The following EXOC1 variants were observed in gnomAD, a reference collection of about 807,000 sequenced individuals.
EXOC1 encodes SEC3-like 1.
Under a neutral mutation model 107.7 loss-of-function variants are expected in EXOC1, and 67 were observed. That is an observed-to-expected ratio of 0.62 (90% confidence interval 0.51 to 0.76). The LOEUF (loss-of-function observed/expected upper bound fraction) is 0.76. Among genes scored for constraint, EXOC1 ranks in the 30% least tolerant of loss-of-function variants. The probability of loss-of-function intolerance (pLI) is 0.00; values close to 1 mark genes in which losing one functional copy is unlikely to be tolerated. For missense variants in EXOC1, 833 were observed against 1,055.7 expected (o/e 0.79, Z 2.92); for synonymous variants, 348 against 353.5 (o/e 0.98, Z 0.17).
At chr4:55,890,190 G>A in intron 11 of EXOC1, 33 bp from the exon 12 acceptor site, 1 of 1,603,648 alleles carries the variant, frequency 6.2e-7, no homozygotes, top group Non-Finnish European at 8.5e-7. Flanking sequence ...TATTTGTGAA[G>A]ATCACAACTT....
chr4:55,896,377 C>T (rs1460364864), intron 15 of EXOC1, among the ~76,000 whole-genome samples: 1 of 152,158 alleles, frequency 6.6e-6, no homozygotes, highest in Non-Finnish European at 1.5e-5. Context: ...CTCTTGGCCT[C>T]AAGCGATCCA....
At position 55,902,368 on chromosome 4, in the gene EXOC1, C is replaced by A; in HGVS notation, c.2362C>A (p.Arg788Ser). ...GCATTTCTTTGAAGGTGTTGAAGCT[C>A]GCGTGGCACAGGGCATAAGGGAGGA... ...LNHFFEGVEA[R>S]VAQGIREEEV... Residue 788 changes from arginine to serine, a missense_variant, in exon 18 of 19, where the codon CGC becomes AGC. This residue lies in a region of EXOC1 where 216 missense variants were observed against 354.4 expected (regional missense o/e 0.61). Coordinates refer to ENST00000381295, the MANE Select transcript of EXOC1 (RefSeq NM_001024924.2). 6.7e-7 allele frequency: 1 copy of A among 1,491,428 alleles called. No homozygotes were observed. The highest frequency in any genetic ancestry group is 8.9e-7 in the Non-Finnish European group (1 of 1,124,258). The allele number at this position is 1,491,428 out of a possible 1,614,324, so 92.4% of individuals were successfully genotyped here. A position where few individuals can be genotyped will look rare whatever the true frequency, so the allele number is the denominator to read the frequency against.
chr4:55,872,701 T>A, intron 8 of EXOC1: 1 of 675,286 alleles, frequency 1.5e-6, no homozygotes, highest in Non-Finnish European at 1.8e-6. Context: ...TACTTTATTT[T>A]CACTTTGCAA....
chr4:55,882,833 G>A (rs1723533859), intron 9 of EXOC1: 1 of 152,040 alleles, frequency 6.6e-6, no homozygotes. Flanking sequence ...ATAGGAAATT[G>A]AAGCTTAGAT....
At position 55,896,825 on chromosome 4, in the gene EXOC1, A is replaced by G. The variant is rs1409993964; in HGVS notation, c.2062A>G (p.Ile688Val). ...AGAATTTGCTGGACTTGCAGAATCA[A>G]TCTTCAAAAATGCTGAGCGTCGTGG... ...FEEFAGLAES[I>V]FKNAERRGDL... The change falls in exon 16 of 19, where the codon ATC becomes GTC. Residue 688 changes from isoleucine (I) to valine (V), a missense_variant. By Grantham distance (29) the Ile-to-Val change is conservative. Transcript: ENST00000381295. 5.0e-6 allele frequency: 8 copies of G among 1,612,176 alleles called. No homozygotes were observed. Among genetic ancestry groups the G allele is most frequent in the Admixed American group, 1.7e-5 (1 of 59,630 alleles).
At chr4:55,857,963 C>A (rs1460193368) in intron 1 of EXOC1, among the ~76,000 whole-genome samples, 1 of 152,032 alleles carries the variant, frequency 6.6e-6, no homozygotes, top group Non-Finnish European at 1.5e-5. Flanking sequence ...CTGTTCAGGT[C>A]TTTTATTCAG....
intron 1 of EXOC1, among the ~76,000 whole-genome samples, chr4:55,857,725 A>G (rs1008639987): frequency 5.9e-5 from 9 of 152,248 alleles, no homozygotes; most frequent in African/African-American, 2.2e-4. Flanking sequence ...TGGCTGCACC[A>G]TTTTACAATC....
At position 55,890,238 on chromosome 4, in the gene EXOC1, C is replaced by G; in HGVS notation, c.1391C>G (p.Ser464Trp). The G allele has an allele frequency of 1.9e-6, 3 of 1,613,732 alleles. No homozygotes were observed. The highest frequency in any genetic ancestry group is 2.5e-6 in the Non-Finnish European group (3 of 1,179,844). The stretch of plus-strand genomic sequence containing the variant: ...TATTTCTTAGGTCTTCATGGAAGTT[C>G]GGGGAAATTAACTGGATCTACTTCT... ...KQETESLHGS[S>W]GKLTGSTSSL... The change falls in exon 12 of 19, where the codon TCG (serine) becomes TGG (tryptophan). Residue 464 changes from serine to tryptophan, a missense_variant. Transcript: ENST00000381295.
At chr4:55,858,857 C>G (rs932582495) in intron 2 of EXOC1, among the ~76,000 whole-genome samples, 3 of 151,942 alleles carry the variant, frequency 2.0e-5, no homozygotes, top group Middle Eastern at 3.4e-3. Context: ...AGTGGCTTGT[C>G]TTTTCACTTT....
chr4:55,894,614 C>CTTTTTTTTTTTTTTTTTTTTTT (rs772700227), intron 15 of EXOC1, among the ~76,000 whole-genome samples: 1 of 76,116 alleles, frequency 1.3e-5, no homozygotes, highest in Non-Finnish European at 2.3e-5. Flanking sequence ...CTATCTGTTA[C>CTTTTTTTTTTTTTTTTTTTTTT]TTTTTTTTTT....
intron 8 of EXOC1, among the ~76,000 whole-genome samples, chr4:55,873,650 A>G (rs754354131): frequency 6.6e-6 from 1 of 152,228 alleles, no homozygotes; most frequent in Non-Finnish European, 1.5e-5. Flanking sequence ...GTGTTATTAC[A>G]TGTGAGTGAT....
At position 55,890,275 on chromosome 4, in the gene EXOC1, G is replaced by A; in HGVS notation, c.1428G>A (p.Lys476=). 3 of 1,613,960 alleles carry A rather than the reference G, an allele frequency of 1.9e-6. No individual in the cohort carries two copies. Among genetic ancestry groups the A allele is most frequent in the African/African-American group, 2.7e-5 (2 of 75,010 alleles). The change falls in exon 12 of 19, where the codon AAG becomes AAA. Residue 476 remains lysine (K), a synonymous_variant. Transcript: ENST00000381295. ...CTGGATCTACTTCTAGTCTAAATAA[G>A]CTCAGTGTTCAGAGTTCAGGGAATC... ...KLTGSTSSLN[K]LSVQSSGNRR...
chr4:55,879,199 G>A (rs184236404), intron 9 of EXOC1, among the ~76,000 whole-genome samples: 2 of 152,290 alleles, frequency 1.3e-5, no homozygotes, highest in African/African-American at 4.8e-5. Flanking sequence ...GAAGGAAACA[G>A]GCAAATACTT....
chr4:55,877,769 G>T, intron 8 of EXOC1, 148 bp from the exon 9 acceptor site: 1 of 1,439,070 alleles, frequency 6.9e-7, no homozygotes, highest in South Asian at 1.5e-5. Context: ...TAAGTATTTG[G>T]TTTTTATTTT....
rs1295675103 is a variant in EXOC1, at chr4:55,902,376, A to T, written c.2370A>T (p.Ala790=). 1 of 1,523,596 alleles carries T rather than the reference A, an allele frequency of 6.6e-7. No individual in the cohort carries two copies. The highest frequency in any genetic ancestry group is 1.3e-5 in the South Asian group (1 of 75,208). 94.4% of individuals were successfully genotyped at this position (1,523,596 alleles called of 1,614,324 possible). A position where few individuals can be genotyped will look rare whatever the true frequency, so the allele number is the denominator to read the frequency against. Residue 790 remains alanine, a synonymous_variant, in exon 18 of 19, where the codon GCA becomes GCT. Transcript: ENST00000381295. ...TTGAAGGTGTTGAAGCTCGCGTGGC[A>T]CAGGGCATAAGGGAGGAGGAAGTAA... The part of the protein sequence containing the change: ...HFFEGVEARV[A]QGIREEEVSY...
chr4:55,883,711 A>G, intron 9 of EXOC1, 112 bp from the exon 10 acceptor site: 1 of 587,256 alleles, frequency 1.7e-6, no homozygotes, highest in Non-Finnish European at 2.8e-6. Context: ...GAAATACATC[A>G]AAGTTTTGGA....
intron 8 of EXOC1, chr4:55,876,186 C>T: frequency 1.0e-6 from 1 of 985,058 alleles, no homozygotes. Context: ...ATATGGTAGC[C>T]CAGGCATTCT....
intron 17 of EXOC1, among the ~76,000 whole-genome samples, chr4:55,901,590 T>C (rs746224827): frequency 6.6e-6 from 1 of 152,032 alleles, no homozygotes; most frequent in African/African-American, 2.4e-5. Context: ...AATTTATAAA[T>C]GGGGCAAGGG....
In EXOC1 at chr4:55,888,318, C is replaced by T. The variant is rs565030138; in HGVS notation, c.1331-570C>T. On this transcript the variant is annotated intron_variant, in intron 10 of 18. Transcript: ENST00000381295. The stretch of plus-strand genomic sequence containing the variant: ...TGATATATATCTTTCATTCTGAGCA[C>T]TCACAAAGCCAGTGATTAAGTAATT... 3.9e-5 allele frequency among the ~76,000 whole-genome samples: 6 copies of T among 152,264 alleles called. No homozygotes were observed. In the East Asian group the frequency reaches 5.8e-4, roughly 15 times the overall value.
Sources: gnomAD v4.1 joint callset for allele counts (sites outside exome capture counted in the v4.1 genomes callset) on GRCh38, gnomAD v4.1.1 for gene constraint, gnomAD v4.1.1 regional missense constraint, MANE v1.5 for transcripts, NCBI Gene and HGNC (gene_info 2026-07-23, HGNC 2026-07-21) for gene names.